ARHGAP15: variants seen among roughly 807,000 people sequenced by gnomAD.
ARHGAP15 encodes Rho GTPase activating protein 15, also known as rho GTPase-activating protein 15.
Under a neutral mutation model 63.7 loss-of-function variants are expected in ARHGAP15, and 51 were observed. The ratio of observed to expected loss-of-function variants is 0.80; its 90% CI spans 0.64 to 1.01. The LOEUF (loss-of-function observed/expected upper bound fraction) is 1.01, where lower values mean the gene tolerates loss of function less well. ARHGAP15 is among the 50% of genes least tolerant of loss of function. ARHGAP15 has a pLI of 0.00. For missense variants in ARHGAP15, 560 were observed against 564.6 expected (o/e 0.99, Z 0.08); for synonymous variants, 191 against 193.8 (o/e 0.99, Z 0.12).
intron 6 of ARHGAP15, among the ~76,000 whole-genome samples, chr2:143,335,708 A>G (rs954394921): frequency 6.6e-6 from 1 of 152,214 alleles, no homozygotes; most frequent in Non-Finnish European, 1.5e-5. Context: ...ACAAAAAAGC[A>G]AGTCTCTCAG....
intron 6 of ARHGAP15, among the ~76,000 whole-genome samples, chr2:143,382,478 T>C (rs1204304909): frequency 6.6e-6 from 1 of 152,140 alleles, no homozygotes; most frequent in Non-Finnish European, 1.5e-5. Flanking sequence ...TGCATGTATG[T>C]CTCAGAGTCC....
intron 11 of ARHGAP15, among the ~76,000 whole-genome samples, chr2:143,619,970 C>T (rs1055162856): frequency 6.6e-6 from 1 of 152,112 alleles, no homozygotes; most frequent in African/African-American, 2.4e-5. Flanking sequence ...TTTTGTTGAT[C>T]CCGTTCAAGA....
At chr2:143,597,048 T>C (rs1277459661) in intron 11 of ARHGAP15, among the ~76,000 whole-genome samples, 2 of 152,046 alleles carry the variant, frequency 1.3e-5, no homozygotes, top group African/African-American at 4.8e-5. Flanking sequence ...AATTTGTATT[T>C]CTCACTAATT....
chr2:143,361,529 G>A (rs1252183094), intron 6 of ARHGAP15, among the ~76,000 whole-genome samples: 2 of 152,086 alleles, frequency 1.3e-5, no homozygotes, highest in African/African-American at 4.8e-5. Context: ...ATTCTGTGTT[G>A]CCATCTGTCA....
intron 11 of ARHGAP15, chr2:143,598,084 T>A (rs912435164): frequency 6.6e-6 from 1 of 152,084 alleles, no homozygotes; most frequent in South Asian, 2.1e-4. Flanking sequence ...CATTGAGGGT[T>A]GTTTCCAACA....
At chr2:143,492,588 T>C (rs1316690186) in intron 9 of ARHGAP15, among the ~76,000 whole-genome samples, 1 of 109,904 alleles carries the variant, frequency 9.1e-6, no homozygotes, top group South Asian at 3.6e-4. Context: ...AGAGACCCTG[T>C]CTCTCTACAA....
intron 6 of ARHGAP15, among the ~76,000 whole-genome samples, chr2:143,370,442 T>C (rs1389985580): frequency 6.6e-6 from 1 of 152,148 alleles, no homozygotes; most frequent in Admixed American, 6.6e-5. Flanking sequence ...GGCACATGTA[T>C]ACATATGTAA....
chr2:143,719,954 A>G (rs1375502646), intron 13 of ARHGAP15, among the ~76,000 whole-genome samples: 1 of 152,180 alleles, frequency 6.6e-6, no homozygotes, highest in Non-Finnish European at 1.5e-5. Context: ...TGGGTTTCCC[A>G]CACATACACC....
chr2:143,505,260 C>G (rs1276009703), intron 9 of ARHGAP15, among the ~76,000 whole-genome samples: 2 of 152,334 alleles, frequency 1.3e-5, no homozygotes, highest in East Asian at 3.9e-4. Flanking sequence ...CATTCCTTCT[C>G]TAAGTCCCCT....
intron 11 of ARHGAP15, among the ~76,000 whole-genome samples, chr2:143,599,389 ATG>A (rs1697668710): frequency 6.6e-6 from 1 of 152,150 alleles, no homozygotes; most frequent in Non-Finnish European, 1.5e-5. Context: ...CTTGAGAAAG[ATG>A]TGTGAACATG....
intron 10 of ARHGAP15, among the ~76,000 whole-genome samples, chr2:143,528,365 A>G (rs1694371361): frequency 6.6e-6 from 1 of 152,056 alleles, no homozygotes; most frequent in South Asian, 2.1e-4. Context: ...CCCTGTGAAT[A>G]TATCACCCTC....
At chr2:143,538,198 A>G (rs1694870512) in intron 10 of ARHGAP15, among the ~76,000 whole-genome samples, 1 of 152,170 alleles carries the variant, frequency 6.6e-6, no homozygotes, top group Non-Finnish European at 1.5e-5. Flanking sequence ...ATTGCTGTAT[A>G]GGAATGCTTG....
At chr2:143,424,761 A>G (rs984258312) in intron 6 of ARHGAP15, among the ~76,000 whole-genome samples, 7 of 152,140 alleles carry the variant, frequency 4.6e-5, no homozygotes, top group South Asian at 2.1e-4. Flanking sequence ...TCCTTATGTA[A>G]TTGTTGTTTC....
intron 12 of ARHGAP15, among the ~76,000 whole-genome samples, chr2:143,659,477 G>A (rs1024275739): frequency 1.3e-5 from 2 of 152,162 alleles, no homozygotes; most frequent in Non-Finnish European, 2.9e-5. Flanking sequence ...TTCTGACCAA[G>A]AAGAGTGTGT....
chr2:143,712,816 A>AC (rs1553528892), intron 13 of ARHGAP15, among the ~76,000 whole-genome samples: 9 of 150,626 alleles, frequency 6.0e-5, no homozygotes, highest in Middle Eastern at 6.9e-3. Context: ...AAAAAAAAAA[A>AC]CCCACAGGAA....
At chr2:143,371,573 T>C (rs1034422122) in intron 6 of ARHGAP15, among the ~76,000 whole-genome samples, 2 of 152,206 alleles carry the variant, frequency 1.3e-5, no homozygotes, top group African/African-American at 4.8e-5. Flanking sequence ...CAGATTCAGT[T>C]TCATCTGGTT....
At chr2:143,231,252 T>C (rs1006539760) in intron 5 of ARHGAP15, among the ~76,000 whole-genome samples, 11 of 152,106 alleles carry the variant, frequency 7.2e-5, no homozygotes, top group African/African-American at 2.2e-4. Flanking sequence ...TTATATCATA[T>C]GCTATTAAAT....
chr2:143,228,758 C>A (rs1389428047), intron 5 of ARHGAP15, 90 bp downstream of exon 5: 1 of 852,384 alleles, frequency 1.2e-6, no homozygotes, highest in Non-Finnish European at 1.7e-6. Context: ...ACACTAAAAC[C>A]TCCAAGCTAC....
At chr2:143,206,041 C>T (rs1181239338) in intron 3 of ARHGAP15, among the ~76,000 whole-genome samples, 1 of 152,040 alleles carries the variant, frequency 6.6e-6, no homozygotes, top group Non-Finnish European at 1.5e-5. Context: ...TATTTATTAT[C>T]CTCTCTCAAA....
Sources: allele counts gnomAD v4.1 joint callset (sites outside exome capture counted in the v4.1 genomes callset), GRCh38; gene constraint gnomAD v4.1.1; transcripts MANE v1.5; gene names NCBI Gene and HGNC (gene_info 2026-07-23, HGNC 2026-07-21).